Variants in TTLL5 observed in about 807,000 individuals in gnomAD.
TTLL5 encodes the protein tubulin polyglutamylase TTLL5.
In TTLL5, 132 loss-of-function variants were observed where a neutral mutation model predicts 168.4. That is an observed-to-expected ratio of 0.78 (90% CI 0.68 to 0.91). The LOEUF (loss-of-function observed/expected upper bound fraction) is 0.91. Ranked by LOEUF, TTLL5 falls within the 40% of genes least tolerant of loss-of-function variation. TTLL5 has a pLI of 0.00. For missense variants in TTLL5, 1,545 were observed against 1,581.5 expected (o/e 0.98, Z 0.39); for synonymous variants, 546 against 558.6 (o/e 0.98, Z 0.32).
intron 29 of TTLL5, among the ~76,000 whole-genome samples, chr14:75,872,631 C>T (rs1019543794): frequency 6.6e-6 from 1 of 152,064 alleles, no homozygotes; most frequent in Non-Finnish European, 1.5e-5. Flanking sequence ...AATAAAAGGC[C>T]GGGTGTGGTG....
intron 26 of TTLL5, among the ~76,000 whole-genome samples, chr14:75,789,204 T>G (rs1263326332): frequency 6.6e-6 from 1 of 152,190 alleles, no homozygotes; most frequent in Non-Finnish European, 1.5e-5. Flanking sequence ...CCCATTAACA[T>G]TCCTTCTGTC....
At chr14:75,859,840 A>G (rs1897315258) in intron 28 of TTLL5, among the ~76,000 whole-genome samples, 1 of 152,216 alleles carries the variant, frequency 6.6e-6, no homozygotes, top group South Asian at 2.1e-4. Context: ...TGTGTCAATC[A>G]TTATAGCATT....
chr14:75,914,622 T>G (rs2033536271), intron 31 of TTLL5, among the ~76,000 whole-genome samples: 1 of 4,378 alleles, frequency 2.3e-4, no homozygotes, highest in African/African-American at 1.3e-3. Context: ...TACTCTTGTT[T>G]TTTTTTTTTT....
intron 29 of TTLL5, among the ~76,000 whole-genome samples, chr14:75,866,348 T>G (rs1390061102): frequency 6.6e-6 from 1 of 152,184 alleles, no homozygotes; most frequent in East Asian, 1.9e-4. Flanking sequence ...ACTTTTCCAA[T>G]GAACTCCTTG....
At chr14:75,709,104 T>C in intron 9 of TTLL5, 1 of 705,134 alleles carries the variant, frequency 1.4e-6, no homozygotes, top group Non-Finnish European at 2.6e-6. Context: ...CATAGCAGTT[T>C]AGGAGGTGAT....
Position 75,783,205 on chromosome 14 carries a change from T to C in TTLL5, c.2661T>C (p.Gly887=), listed in dbSNP as rs1892166476. The change falls in exon 26 of 32, where the codon GGT becomes GGC. Residue 887 remains glycine (G), a synonymous_variant. Coordinates refer to ENST00000298832, the MANE Select transcript of TTLL5 (RefSeq NM_015072.5). Reference sequence around the variant, plus strand: ...TAGTTTATAGCAATTCCTCCTCTGGTCCTACTGCTACTCTGCAGAAAATTC... The same window carrying C: ...TAGTTTATAGCAATTCCTCCTCTGGCCCTACTGCTACTCTGCAGAAAATTC... The part of the protein sequence containing the change: ...AKLVYSNSSS[G]PTATLQKIPN... The C allele has an allele frequency of 6.2e-7, 1 of 1,614,110 alleles. No individual in the cohort carries two copies. The highest frequency in any genetic ancestry group is 8.5e-7 in the Non-Finnish European group (1 of 1,180,032).
intron 18 of TTLL5, 100 bp from the exon 19 acceptor site, chr14:75,764,515 T>G: frequency 7.3e-7 from 1 of 1,377,404 alleles, no homozygotes; most frequent in Non-Finnish European, 1.0e-6. Flanking sequence ...TGAGTTACCA[T>G]GTCCAGTATG....
intron 31 of TTLL5, among the ~76,000 whole-genome samples, chr14:75,916,612 C>T (rs188761957): frequency 1.3e-4 from 20 of 152,116 alleles, no homozygotes; most frequent in African/African-American, 4.3e-4. Flanking sequence ...ACTCCAGCCT[C>T]GGTGACAGAG....
At chr14:75,926,988 G>A (rs762128164) in intron 31 of TTLL5, among the ~76,000 whole-genome samples, 13 of 152,218 alleles carry the variant, frequency 8.5e-5, no homozygotes, top group Admixed American at 6.5e-5. Flanking sequence ...GGGGCTGGCG[G>A]GGGCCGAGAA....
intron 20 of TTLL5, among the ~76,000 whole-genome samples, chr14:75,771,115 A>G (rs1396025074): frequency 6.6e-6 from 1 of 152,156 alleles, no homozygotes; most frequent in Non-Finnish European, 1.5e-5. Flanking sequence ...TGTTCCCCCA[A>G]GAAAGTTGTT....
Position 75,779,719 on chromosome 14 carries a change from AT to A in TTLL5, c.2515+18del, listed in dbSNP as rs1383498683. The stretch of plus-strand genomic sequence containing the variant: ...CAAAAGGTGGTAAGTATACTGGTTA[AT>A]GAACGAAAAATAAGAAGAACAAGTG... On this transcript the variant is annotated intron_variant, in intron 24 of 31. Coordinates refer to ENST00000298832, the MANE Select transcript of TTLL5 (RefSeq NM_015072.5). 2.5e-6 allele frequency: 4 copies of A among 1,584,106 alleles called. No homozygotes were observed. The highest frequency in any genetic ancestry group is 3.4e-6 in the Non-Finnish European group (4 of 1,169,266).
At chr14:75,675,730 A>G (rs1187933220) in intron 3 of TTLL5, among the ~76,000 whole-genome samples, 3 of 152,162 alleles carry the variant, frequency 2.0e-5, no homozygotes, top group African/African-American at 7.2e-5. Flanking sequence ...CATGGGAGAG[A>G]AAGCCTAGGC....
chr14:75,748,386 A>G (rs755159573), intron 17 of TTLL5, among the ~76,000 whole-genome samples: 5 of 150,790 alleles, frequency 3.3e-5, no homozygotes, highest in Non-Finnish European at 7.4e-5. Flanking sequence ...AGTTTTTTCA[A>G]TGCTTTTGTA....
intron 29 of TTLL5, among the ~76,000 whole-genome samples, chr14:75,873,549 A>G (rs760175583): frequency 4.6e-4 from 70 of 152,238 alleles, no homozygotes; most frequent in Non-Finnish European, 2.5e-4. Context: ...AATGTCTTCA[A>G]GATTCATCCA....
chr14:75,910,815 A>G (rs1050192129), intron 31 of TTLL5, among the ~76,000 whole-genome samples: 18 of 152,372 alleles, frequency 1.2e-4, no homozygotes, highest in Middle Eastern at 3.4e-3. Context: ...AATTGTGATT[A>G]TAAAGAAAAA....
chr14:75,927,313 T>C (rs1433729958), intron 31 of TTLL5, among the ~76,000 whole-genome samples: 2 of 152,214 alleles, frequency 1.3e-5, no homozygotes, highest in African/African-American at 4.8e-5. Flanking sequence ...ACCACCCTAT[T>C]GTGCTATCAA....
Position 75,948,411 on chromosome 14 carries a change from A to G in TTLL5, c.3824-6013A>G, listed in dbSNP as rs2034846338. Among the ~76,000 whole-genome samples, 5 of 151,900 alleles carry G rather than the reference A, an allele frequency of 3.3e-5. No individual in the cohort carries two copies. In the South Asian group the frequency reaches 1.0e-3, roughly 32 times the overall value. On this transcript the variant is annotated intron_variant, in intron 31 of 31. Coordinates refer to ENST00000298832, the MANE Select transcript of TTLL5 (RefSeq NM_015072.5). ...GAGGCAGGAGAATGGCTTGAAACTG[A>G]GAGGTGGAGGTTGCAGTGAGCCAAG...
At chr14:75,897,941 CTA>C (rs1462791976) in intron 30 of TTLL5, among the ~76,000 whole-genome samples, 1 of 152,180 alleles carries the variant, frequency 6.6e-6, no homozygotes, top group East Asian at 1.9e-4. Flanking sequence ...CAATTAAGGA[CTA>C]GATATTCACA....
chr14:75,726,337 G>T (rs1465970120), intron 12 of TTLL5, among the ~76,000 whole-genome samples: 3 of 152,096 alleles, frequency 2.0e-5, no homozygotes, highest in Non-Finnish European at 4.4e-5. Flanking sequence ...TGTGATCAGG[G>T]TTATTTTGTA....
Sources: gnomAD v4.1 joint callset for allele counts (sites outside exome capture counted in the v4.1 genomes callset) on GRCh38, gnomAD v4.1.1 for gene constraint, MANE v1.5 for transcripts, NCBI Gene and HGNC (gene_info 2026-07-23, HGNC 2026-07-21) for gene names.